The following FOXO1 variants were observed in gnomAD, a reference collection of about 807,000 sequenced individuals.
FOXO1 encodes the protein forkhead box O1, also known as forkhead box protein O1.
FOXO1 carries 6 observed loss-of-function variants against 44.1 expected under a neutral mutation model. That is an observed-to-expected ratio of 0.14 (90% CI 0.07 to 0.27). The LOEUF (loss-of-function observed/expected upper bound fraction) is 0.27. Among genes scored for constraint, FOXO1 ranks in the 10% least tolerant of loss-of-function variants. FOXO1 has a pLI of 1.00. For missense variants in FOXO1, 737 were observed against 888.8 expected (o/e 0.83, Z 2.17); for synonymous variants, 380 against 362.7 (o/e 1.05, Z -0.54).
intron 1 of FOXO1, among the ~76,000 whole-genome samples, chr13:40,599,053 C>T (rs1593394300): frequency 2.6e-5 from 4 of 151,632 alleles, no homozygotes; most frequent in Admixed American, 6.6e-5. Context: ...GGGAGAATTG[C>T]TTATTCCATT....
chr13:40,588,324 T>C (rs938255049), intron 1 of FOXO1, among the ~76,000 whole-genome samples: 2 of 152,174 alleles, frequency 1.3e-5, no homozygotes, highest in African/African-American at 4.8e-5. Context: ...TTACCAAACC[T>C]TGAGTCACCT....
intron 2 of FOXO1, 64 bp downstream of exon 2, chr13:40,559,445 T>A: frequency 7.0e-7 from 1 of 1,430,106 alleles, no homozygotes; most frequent in Non-Finnish European, 9.4e-7. Context: ...CATGGCAAGT[T>A]ACTGTGTTCC....
At chr13:40,559,400 A>T (rs1044648857) in intron 2 of FOXO1, 109 bp downstream of exon 2, 11 of 988,362 alleles carry the variant, frequency 1.1e-5, no homozygotes, top group South Asian at 3.4e-5. Flanking sequence ...CCCTCTCTGC[A>T]AGGGACAGTC....
chr13:40,629,296 C>A (rs995465623), intron 1 of FOXO1, among the ~76,000 whole-genome samples: 4 of 152,196 alleles, frequency 2.6e-5, no homozygotes, highest in Non-Finnish European at 5.9e-5. Flanking sequence ...GCATGCGCCA[C>A]CACGCCCAGC....
chr13:40,619,051 C>A (rs1047542058), intron 1 of FOXO1: 1 of 471,532 alleles, frequency 2.1e-6, no homozygotes, highest in East Asian at 5.6e-5. Flanking sequence ...CTTTGGGAGG[C>A]TGAGTGGGTG....
chr13:40,644,293 G>A (rs979439347), intron 1 of FOXO1, among the ~76,000 whole-genome samples: 4 of 152,154 alleles, frequency 2.6e-5, no homozygotes, highest in Non-Finnish European at 4.4e-5. Flanking sequence ...AACAATCTGC[G>A]ATTAGCACAG....
chr13:40,645,964 G>A (rs75281903), intron 1 of FOXO1, among the ~76,000 whole-genome samples: 1 of 151,950 alleles, frequency 6.6e-6, no homozygotes, highest in East Asian at 1.9e-4. Context: ...ACTCCGGTGA[G>A]GCTGAGGCAG....
Position 40,559,628 on chromosome 13 carries a change from G to C in FOXO1, c.1863C>G (p.Asp621Glu). ...AATCCAATGTATCTCCATCCATGAG[G>C]TCATTCCGAATGATGGATTCCATGT... ...DCDMESIIRN[D>E]LMDGDTLDFN... The change falls in exon 2 of 3, where the codon GAC (aspartate) becomes GAG (glutamate). Residue 621 changes from aspartate (D) to glutamate (E), a missense_variant. By Grantham distance (45) the Asp-to-Glu change is conservative. This residue lies in a region of FOXO1 where 45 missense variants were observed against 78.3 expected (regional missense o/e 0.57). Transcript: ENST00000379561. The C allele has an allele frequency of 6.2e-7, 1 of 1,614,168 alleles. No homozygotes were observed. Among genetic ancestry groups the C allele is most frequent in the Non-Finnish European group, 8.5e-7 (1 of 1,180,024 alleles).
intron 1 of FOXO1, among the ~76,000 whole-genome samples, chr13:40,596,053 G>A (rs943218630): frequency 3.3e-5 from 5 of 151,304 alleles, no homozygotes; most frequent in Non-Finnish European, 7.4e-5. Flanking sequence ...GCTCTGAGTT[G>A]GAAGGACAGG....
intron 1 of FOXO1, among the ~76,000 whole-genome samples, chr13:40,622,022 A>G (rs576815417): frequency 3.9e-5 from 6 of 152,358 alleles, no homozygotes; most frequent in South Asian, 4.1e-4. Flanking sequence ...GAGATAATTT[A>G]CTGAAACATC....
intron 1 of FOXO1, chr13:40,621,426 G>A (rs1449353203): frequency 8.0e-6 from 2 of 248,828 alleles, no homozygotes; most frequent in Non-Finnish European, 1.6e-5. Flanking sequence ...AGTTACTTGT[G>A]ATGAGCTAAC....
intron 1 of FOXO1, among the ~76,000 whole-genome samples, chr13:40,631,966 C>G (rs1876977610): frequency 6.6e-6 from 1 of 152,044 alleles, no homozygotes; most frequent in Non-Finnish European, 1.5e-5. Context: ...TAGGACACTA[C>G]CTCCAAAAAA....
chr13:40,665,402 C>A (rs1281070544), intron 1 of FOXO1, among the ~76,000 whole-genome samples, 181 bp downstream of exon 1: 1 of 151,854 alleles, frequency 6.6e-6, no homozygotes, highest in Non-Finnish European at 1.5e-5. Flanking sequence ...CGCGCACGCA[C>A]ACCTACTGCC....
At chr13:40,651,843 G>T (rs2137934344) in intron 1 of FOXO1, among the ~76,000 whole-genome samples, 2 of 152,158 alleles carry the variant, frequency 1.3e-5, no homozygotes, top group Middle Eastern at 6.8e-3. Context: ...GGGAGTATGG[G>T]AATCTTTCAA....
rs902073080 is a variant in FOXO1, at chr13:40,556,787, C to T, written c.*2262G>A. 6.6e-6 allele frequency: 1 copy of T among 152,184 alleles called. No homozygotes were observed. Among genetic ancestry groups the T allele is most frequent in the African/African-American group, 2.4e-5 (1 of 41,444 alleles). 9.4% of individuals were successfully genotyped at this position (152,184 alleles called of 1,614,324 possible). A position where few individuals can be genotyped will look rare whatever the true frequency, so the allele number is the denominator to read the frequency against. On this transcript the variant is annotated 3_prime_UTR_variant, in exon 3 of 3. Coordinates refer to ENST00000379561, the MANE Select transcript of FOXO1 (RefSeq NM_002015.4). ...AGTAAGATTTTAACAGTGATTTTGG[C>T]TGTAGTTGCCTCTTTAATGAACAAA...
In FOXO1 at chr13:40,560,118, G is replaced by A. The variant is rs994659376; in HGVS notation, c.1373C>T (p.Ala458Val). 57 of 1,614,012 alleles carry A rather than the reference G, an allele frequency of 3.5e-5. 1 individual carries two copies. In the East Asian group the frequency reaches 4.7e-4, roughly 13 times the overall value. Residue 458 changes from alanine to valine, a missense_variant, in exon 2 of 3, where the codon GCG (alanine) becomes GTG (valine). Physicochemically the swap from Ala to Val is moderately conservative, Grantham distance 64 (BLOSUM62 0). Transcript: ENST00000379561. This position sits in a 1 kb window ranked among gnomAD's most constrained non-coding sequence, Gnocchi z 5.1. Reference protein sequence around the residue: ...SYGGMSQYNCAPGLLKELLTS... With the variant: ...SYGGMSQYNCVPGLLKELLTS... ...CAGCAACTCCTTCAAGAGTCCAGGC[G>A]CACAGTTATACTGACTCATACCTCC... is the stretch of plus-strand genomic sequence containing the variant.
intron 1 of FOXO1, chr13:40,619,994 G>C (rs73173174): frequency 1.4e-6 from 1 of 709,588 alleles, no homozygotes; most frequent in African/African-American, 1.8e-5. Context: ...CAGAGACACA[G>C]TGGCACTGTT....
intron 1 of FOXO1, among the ~76,000 whole-genome samples, chr13:40,586,397 A>G (rs74723845): frequency 5.4e-4 from 83 of 152,298 alleles, no homozygotes; most frequent in Admixed American, 1.3e-3. Context: ...ACAAAAGCCC[A>G]ATAAAATGGT....
intron 1 of FOXO1, among the ~76,000 whole-genome samples, chr13:40,575,243 A>G (rs1412775157): frequency 1.3e-5 from 2 of 152,236 alleles, no homozygotes; most frequent in African/African-American, 4.8e-5. Context: ...CAGAAGGCAG[A>G]GGCAGGAGGA....
Sources: allele counts gnomAD v4.1 joint callset (sites outside exome capture counted in the v4.1 genomes callset), GRCh38; gene constraint gnomAD v4.1.1; regional missense constraint gnomAD v4.1.1; non-coding constraint Gnocchi (gnomAD v3.1); transcripts MANE v1.5; gene names NCBI Gene and HGNC (gene_info 2026-07-23, HGNC 2026-07-21).